The following BRINP3 variants were observed in gnomAD, a reference collection of about 807,000 sequenced individuals.
BRINP3 encodes the protein BMP/retinoic acid-inducible neural-specific protein 3.
BRINP3 carries 19 observed loss-of-function variants against 71.0 expected under a neutral mutation model. That is an observed-to-expected ratio of 0.27 (90% confidence interval 0.19 to 0.39). The LOEUF is 0.39. Ranked by LOEUF, BRINP3 falls within the 10% of genes least tolerant of loss-of-function variation. The pLI is 1.00. For missense variants in BRINP3, 959 were observed against 940.8 expected (o/e 1.02, Z -0.25); for synonymous variants, 380 against 337.7 (o/e 1.13, Z -1.37).
intron 6 of BRINP3, among the ~76,000 whole-genome samples, chr1:190,206,515 G>A (rs1209015097): frequency 2.6e-5 from 4 of 151,798 alleles, no homozygotes; most frequent in African/African-American, 9.7e-5. Flanking sequence ...AAAAAAAGAG[G>A]GACTCTTACT....
chr1:190,407,563 T>A (rs1401887245), intron 2 of BRINP3, among the ~76,000 whole-genome samples: 1 of 152,102 alleles, frequency 6.6e-6, no homozygotes, highest in Non-Finnish European at 1.5e-5. Context: ...AAAGAAAGAA[T>A]CAACATTCAA....
At chr1:190,455,519 GAGAC>G (rs1675927704) in intron 1 of BRINP3, among the ~76,000 whole-genome samples, 1 of 152,122 alleles carries the variant, frequency 6.6e-6, no homozygotes, top group South Asian at 2.1e-4. Context: ...GACACAGAGT[GAGAC>G]AGAGAGATGA....
intron 6 of BRINP3, among the ~76,000 whole-genome samples, chr1:190,178,813 T>A (rs905166753): frequency 6.6e-6 from 1 of 152,106 alleles, no homozygotes; most frequent in Non-Finnish European, 1.5e-5. Context: ...TAAAACAATA[T>A]CTCAGTAATG....
chr1:190,475,798 T>C (rs1361840150), intron 1 of BRINP3: 1 of 152,314 alleles, frequency 6.6e-6, no homozygotes, highest in Non-Finnish European at 1.5e-5. Flanking sequence ...TGACTGTCTG[T>C]TCCTTACTGG....
At chr1:190,170,431 A>G (rs2102494185) in intron 6 of BRINP3, among the ~76,000 whole-genome samples, 1 of 152,280 alleles carries the variant, frequency 6.6e-6, no homozygotes, top group African/African-American at 2.4e-5. Flanking sequence ...CCAATTAACA[A>G]GTTCCAGAAG....
chr1:190,113,422 C>T (rs903563504), intron 7 of BRINP3, among the ~76,000 whole-genome samples: 3 of 152,132 alleles, frequency 2.0e-5, no homozygotes, highest in Non-Finnish European at 4.4e-5. Flanking sequence ...TCTGAAACAA[C>T]TTGTCAGTAC....
chr1:190,329,351 C>T (rs939253591), intron 2 of BRINP3, among the ~76,000 whole-genome samples: 2 of 151,672 alleles, frequency 1.3e-5, no homozygotes, highest in Admixed American at 1.3e-4. Flanking sequence ...ATAAAATCAA[C>T]ATACAAAAAT....
intron 7 of BRINP3, chr1:190,154,097 A>AT: frequency 1.0e-6 from 1 of 957,130 alleles, no homozygotes; most frequent in Non-Finnish European, 1.2e-6. Context: ...TAGTCATCAC[A>AT]TTTTCATCTT....
intron 7 of BRINP3, among the ~76,000 whole-genome samples, chr1:190,132,751 C>T (rs1397886081): frequency 6.6e-6 from 1 of 152,070 alleles, no homozygotes; most frequent in Non-Finnish European, 1.5e-5. Context: ...GGCTTAATTA[C>T]CCTTTCCTTG....
intron 2 of BRINP3, among the ~76,000 whole-genome samples, chr1:190,406,694 G>T (rs1171335): frequency 0.36 from 54,911 of 151,964 alleles, 10,954 homozygotes; most frequent in Admixed American, 0.48. Context: ...AGATGCTCTT[G>T]TCTAATTTCT....
chr1:190,300,311 C>T (rs552580240), intron 2 of BRINP3, among the ~76,000 whole-genome samples: 152 of 152,218 alleles, frequency 1.0e-3, no homozygotes, highest in African/African-American at 3.4e-3. Context: ...CATCTTCCAT[C>T]GCTGATACCC....
chr1:190,468,040 A>T lies in BRINP3; in HGVS notation c.-51+9408T>A, dbSNP rs1461305638. Among the ~76,000 whole-genome samples, 2 of 151,394 alleles carry T rather than the reference A, an allele frequency of 1.3e-5. 1 individual carries two copies. Among genetic ancestry groups the T allele is most frequent in the South Asian group, 4.1e-4 (2 of 4,830 alleles). On this transcript the variant is annotated intron_variant, in intron 1 of 7. Coordinates refer to ENST00000367462, the MANE Select transcript of BRINP3 (RefSeq NM_199051.3). ...CTTGTCAAGAATTACCTTCTGAACAATAATTACAGCAATCACTGTTACTGG... is the reference window on the plus strand; with the variant it reads ...CTTGTCAAGAATTACCTTCTGAACATTAATTACAGCAATCACTGTTACTGG...
intron 2 of BRINP3, among the ~76,000 whole-genome samples, chr1:190,414,924 T>G (rs1381348120): frequency 1.3e-5 from 2 of 152,206 alleles, no homozygotes; most frequent in African/African-American, 4.8e-5. Context: ...TTGGTAAGAT[T>G]TCTCTGTCTT....
intron 6 of BRINP3, among the ~76,000 whole-genome samples, chr1:190,175,882 A>G (rs1356132169): frequency 2.6e-5 from 4 of 152,132 alleles, no homozygotes; most frequent in Non-Finnish European, 4.4e-5. Flanking sequence ...GCCTTAGTGG[A>G]TCAGTGTTGA....
chr1:190,468,539 T>C (rs1412146979), intron 1 of BRINP3, among the ~76,000 whole-genome samples: 1 of 151,226 alleles, frequency 6.6e-6, no homozygotes, highest in East Asian at 1.9e-4. Context: ...CCTGCCAGAG[T>C]TCACTCTAAA....
intron 2 of BRINP3, among the ~76,000 whole-genome samples, chr1:190,316,670 G>T (rs960796496): frequency 2.0e-5 from 3 of 152,052 alleles, no homozygotes; most frequent in Non-Finnish European, 2.9e-5. Flanking sequence ...GCAGAGACCT[G>T]TGGGACCTCT....
chr1:190,418,242 G>A (rs1673134492), intron 2 of BRINP3, among the ~76,000 whole-genome samples: 1 of 152,040 alleles, frequency 6.6e-6, no homozygotes, highest in Non-Finnish European at 1.5e-5. Flanking sequence ...TGTAGAGACA[G>A]GGTTTCATCA....
intron 7 of BRINP3, among the ~76,000 whole-genome samples, chr1:190,123,400 T>C (rs1428110379): frequency 1.3e-5 from 2 of 152,124 alleles, no homozygotes; most frequent in African/African-American, 2.4e-5. Flanking sequence ...CTGACATCTA[T>C]GAAAAGCAAT....
intron 2 of BRINP3, among the ~76,000 whole-genome samples, chr1:190,355,218 A>T (rs1668653580): frequency 6.6e-6 from 1 of 151,916 alleles, no homozygotes; most frequent in Admixed American, 6.6e-5. Flanking sequence ...GGAAAACATC[A>T]GGGAACATTA....
Sources: gnomAD v4.1 joint callset for allele counts (sites outside exome capture counted in the v4.1 genomes callset) on GRCh38, gnomAD v4.1.1 for gene constraint, MANE v1.5 for transcripts, NCBI Gene and HGNC (gene_info 2026-07-23, HGNC 2026-07-21) for gene names.